IQGAP3: variants seen among roughly 807,000 people sequenced by gnomAD.
The protein encoded by IQGAP3 is IQ motif containing GTPase activating protein 3, also known as ras GTPase-activating-like protein IQGAP3.
A neutral mutation model predicts 208.2 loss-of-function variants in IQGAP3; 165 were observed. The observed-to-expected ratio is 0.79, with a 90% CI of 0.70 to 0.90. The LOEUF (loss-of-function observed/expected upper bound fraction) is 0.90, where lower values mean the gene tolerates loss of function less well. IQGAP3 is among the 40% of genes least tolerant of loss of function. The pLI is 0.00. For synonymous variants in IQGAP3, 703 were observed against 803.6 expected (o/e 0.87, Z 2.12); for missense variants, 1,811 against 2,043.1 (o/e 0.89, Z 2.19).
chr1:156,551,077 G>T (rs1675523879), intron 15 of IQGAP3, among the ~76,000 whole-genome samples: 1 of 152,196 alleles, frequency 6.6e-6, no homozygotes. Flanking sequence ...ATAAAATGAT[G>T]CTTGGCACAG....
At position 156,539,374 on chromosome 1, in the gene IQGAP3, T is replaced by C. The variant is rs747583897; in HGVS notation, c.3056A>G (p.Lys1019Arg). ...LFKTALQEEI[K>R]SKVEQPQDVV... ...ATTCCTTTGTGTCTGGAGAGCCTAC[T>C]TGATTTCCTCCTGGAGTGCTGTCTT... The change falls in exon 25 of 38, where the codon AAG becomes AGG. Residue 1019 changes from lysine (K) to arginine (R), a missense_variant and splice_region_variant. Lys to Arg is a conservative substitution (Grantham distance 26, BLOSUM62 2). Coordinates refer to ENST00000361170, the MANE Select transcript of IQGAP3 (RefSeq NM_178229.5). 21 of 1,613,646 alleles carry C rather than the reference T, an allele frequency of 1.3e-5. No homozygotes were observed. The highest frequency in any genetic ancestry group is 3.3e-5 in the Admixed American group (2 of 59,996).
chr1:156,565,258 C>A (rs766594232), intron 4 of IQGAP3, among the ~76,000 whole-genome samples: 2 of 152,224 alleles, frequency 1.3e-5, no homozygotes, highest in Non-Finnish European at 2.9e-5. Flanking sequence ...TCAATGCCAC[C>A]TGACAACTGT....
At chr1:156,539,803 G>A (rs368213708) in intron 24 of IQGAP3, 35 bp downstream of exon 24, 38 of 1,611,964 alleles carry the variant, frequency 2.4e-5, no homozygotes, top group South Asian at 1.1e-4. Context: ...CTCAGGAGAC[G>A]GGAGAGACTT....
Position 156,566,860 on chromosome 1 carries a change from GC to G in IQGAP3, c.126-315del, listed in dbSNP as rs767316981. Among the ~76,000 whole-genome samples, 432 of 142,014 alleles carry G rather than the reference GC, an allele frequency of 3.0e-3. 6 individuals carry two copies. The highest frequency in any genetic ancestry group is 6.5e-3 in the African/African-American group (244 of 37,666). 93.2% of individuals were successfully genotyped at this position (142,014 alleles called of 152,430 possible). The stretch of plus-strand genomic sequence containing the variant: ...AGCTTCTCACTCAGTCTAGTTACAT[GC>G]TTTTTTTTTTTTTTTTTTTTTTGAA... On this transcript the variant is annotated intron_variant, in intron 2 of 37. Transcript: ENST00000361170.
chr1:156,551,861 A>C lies in IQGAP3; in HGVS notation c.1578T>G (p.Leu526=). The stretch of plus-strand genomic sequence containing the variant: ...GAGCCTCATTGATGAGGCTGACTGC[A>C]AGGACCCCTAAGAAAGAGAGATCTA... ...AQTQEETDRV[L]AVSLINEALD... Residue 526 remains leucine (L), a synonymous_variant, in exon 15 of 38, where the codon CTT becomes CTG. Coordinates refer to ENST00000361170, the MANE Select transcript of IQGAP3 (RefSeq NM_178229.5). 1 of 1,605,434 alleles carries C rather than the reference A, an allele frequency of 6.2e-7. No homozygotes were observed. Among genetic ancestry groups the C allele is most frequent in the Non-Finnish European group, 8.5e-7 (1 of 1,174,638 alleles).
At position 156,531,141 on chromosome 1, in the gene IQGAP3, G is replaced by T; in HGVS notation, c.4191+19C>A. ...GGGGATGAATGAGACAGAACCTGTG[G>T]GCCAGCCCGGCTACTCACTTGCTCT... On this transcript the variant is annotated intron_variant, in intron 33 of 37. Transcript: ENST00000361170. The T allele has an allele frequency of 6.3e-7, 1 of 1,576,086 alleles. No individual in the cohort carries two copies. Among genetic ancestry groups the T allele is most frequent in the African/African-American group, 1.3e-5 (1 of 74,202 alleles).
chr1:156,571,839 C>T (rs972641850), intron 1 of IQGAP3, among the ~76,000 whole-genome samples: 3 of 152,122 alleles, frequency 2.0e-5, no homozygotes, highest in South Asian at 2.1e-4. Context: ...CAGATAGAAC[C>T]TTTCTGCCCC....
intron 31 of IQGAP3, 112 bp from the exon 32 acceptor site, chr1:156,533,218 A>G (rs543356128): frequency 4.4e-6 from 6 of 1,374,386 alleles, no homozygotes; most frequent in Non-Finnish European, 6.0e-6. Flanking sequence ...GCTGCTCCAC[A>G]TGCCCCTCTT....
intron 2 of IQGAP3, 68 bp downstream of exon 2, chr1:156,569,308 G>T (rs952951718): frequency 1.0e-6 from 1 of 978,794 alleles, no homozygotes; most frequent in Non-Finnish European, 1.6e-6. Flanking sequence ...TGCTTTAGCG[G>T]CAGATGCCTA....
At position 156,563,845 on chromosome 1, in the gene IQGAP3, T is replaced by C. The variant is rs190146954; in HGVS notation, c.438-21A>G. Reference sequence around the variant, plus strand: ...AGAGACTAGGAAAAAACGGAAGGCATTGGAAGGCACTGGGGCCTATTCATT... The same window carrying C: ...AGAGACTAGGAAAAAACGGAAGGCACTGGAAGGCACTGGGGCCTATTCATT... On this transcript the variant is annotated intron_variant, in intron 5 of 37. Coordinates refer to ENST00000361170, the MANE Select transcript of IQGAP3 (RefSeq NM_178229.5). 6.5e-5 allele frequency: 105 copies of C among 1,608,046 alleles called. 1 individual carries two copies. The highest frequency in any genetic ancestry group is 5.0e-4 in the Middle Eastern group (3 of 6,056).
rs371999661 is a variant in IQGAP3 at position 156,556,574 on chromosome 1, T to C, written c.1249A>G (p.Met417Val). The change falls in exon 12 of 38, where the codon ATG (methionine) becomes GTG (valine). Residue 417 changes from methionine to valine, a missense_variant. Coordinates refer to ENST00000361170, the MANE Select transcript of IQGAP3 (RefSeq NM_178229.5). ...AGCACTGCCAGCTCCAGCTGGTACATAGACGATGCAACAGGGTACACTGGA... is the reference window on the plus strand; with the variant it reads ...AGCACTGCCAGCTCCAGCTGGTACACAGACGATGCAACAGGGTACACTGGA... The part of the protein sequence containing the change: ...LPPVYPVASS[M>V]YQLELAVLQQ... 3.0e-5 allele frequency: 49 copies of C among 1,613,652 alleles called. No homozygotes were observed. The highest frequency in any genetic ancestry group is 2.4e-4 in the South Asian group (22 of 91,064).
chr1:156,539,088 G>A (rs552939296), intron 25 of IQGAP3, 55 bp from the exon 26 acceptor site: 56 of 1,493,398 alleles, frequency 3.7e-5, no homozygotes, highest in Admixed American at 2.2e-4. Flanking sequence ...AGGACATACC[G>A]TTGCTTTTCC....
intron 19 of IQGAP3, 30 bp from the exon 20 acceptor site, chr1:156,544,502 TCAAG>T: frequency 1.3e-6 from 2 of 1,575,908 alleles, no homozygotes; most frequent in Non-Finnish European, 1.7e-6. Context: ...GGGAAGTAAC[TCAAG>T]CAGGTCTCCT....
chr1:156,534,728 GACC>G lies in IQGAP3; in HGVS notation c.3510_3512del (p.Val1171del), dbSNP rs763101388. 6.4e-7 allele frequency: 1 copy of G among 1,554,290 alleles called. No homozygotes were observed. The highest frequency in any genetic ancestry group is 2.3e-5 in the East Asian group (1 of 43,314). ...GGAAGCGGTAGTACAGGAGGTTCCC[GACC>G]ACCTGAGGGCAAAGGAGACTCTCCC... On this transcript the variant is annotated inframe_deletion and splice_region_variant, in exon 29 of 38. Coordinates refer to ENST00000361170, the MANE Select transcript of IQGAP3 (RefSeq NM_178229.5).
At position 156,554,206 on chromosome 1, in the gene IQGAP3, C is replaced by T. The variant is rs777073560; in HGVS notation, c.1448+29G>A. On this transcript the variant is annotated intron_variant, in intron 13 of 37. Coordinates refer to ENST00000361170, the MANE Select transcript of IQGAP3 (RefSeq NM_178229.5). ...CTTGGCTGCATTCCCCCATCCCTCA[C>T]TCCCAATGTGTGGCTAAGCCTTTCT... 8 of 1,581,716 alleles carry T rather than the reference C, an allele frequency of 5.1e-6. 1 individual carries two copies. The South Asian group carries it at 9.3e-5, about 18-fold the overall frequency.
intron 1 of IQGAP3, 35 bp from the exon 2 acceptor site, chr1:156,569,498 A>G: frequency 1.9e-6 from 2 of 1,065,728 alleles, no homozygotes; most frequent in East Asian, 5.2e-5. Flanking sequence ...CAATGAAGAG[A>G]GCATTAGAGG....
At chr1:156,560,800 G>A (rs1257854840) in intron 11 of IQGAP3, 134 bp downstream of exon 11, 4 of 609,444 alleles carry the variant, frequency 6.6e-6, no homozygotes, top group Admixed American at 5.3e-5. Context: ...ATTATGTGAG[G>A]GGAGAAGTTC....
intron 1 of IQGAP3, among the ~76,000 whole-genome samples, chr1:156,570,623 C>T (rs371091934): frequency 1.6e-4 from 25 of 152,264 alleles, no homozygotes; most frequent in East Asian, 1.5e-3. Context: ...CCACCTCAGC[C>T]CCCCCACCAC....
intron 37 of IQGAP3, among the ~76,000 whole-genome samples, chr1:156,527,304 ACC>A (rs1218294432): frequency 6.7e-6 from 1 of 149,992 alleles, no homozygotes; most frequent in Non-Finnish European, 1.5e-5. Flanking sequence ...ACATGGTGAA[ACC>A]CCATCTCTAC....
Sources: gnomAD v4.1 joint callset for allele counts (sites outside exome capture counted in the v4.1 genomes callset) on GRCh38, gnomAD v4.1.1 for gene constraint, MANE v1.5 for transcripts, NCBI Gene and HGNC (gene_info 2026-07-23, HGNC 2026-07-21) for gene names.